Variants in NRG3 observed in about 807,000 individuals in gnomAD.
The protein encoded by NRG3 is neuregulin 3.
NRG3 carries 31 observed loss-of-function variants against 66.9 expected under a neutral mutation model. That is an observed-to-expected ratio of 0.46 (90% CI 0.35 to 0.63). NRG3 has a LOEUF of 0.63. NRG3 is among the 20% of genes least tolerant of loss of function. The pLI is 0.00. For missense variants in NRG3, 910 were observed against 878.9 expected, an observed-to-expected ratio of 1.04 and a Z score of -0.45; for synonymous variants, 393 against 359.4, an observed-to-expected ratio of 1.09 and a Z score of -1.06.
intron 1 of NRG3, among the ~76,000 whole-genome samples, chr10:82,141,228 C>T (rs991393037): frequency 6.6e-5 from 10 of 152,212 alleles, no homozygotes; most frequent in African/African-American, 2.4e-4. Context: ...AATTCACATA[C>T]CTACTCTCCA....
intron 1 of NRG3, among the ~76,000 whole-genome samples, chr10:81,933,177 A>C (rs1194583589): frequency 6.6e-6 from 1 of 152,086 alleles, no homozygotes; most frequent in Non-Finnish European, 1.5e-5. Context: ...CTCAGGATAT[A>C]ATGAAAGAGG....
At chr10:82,010,593 A>G (rs2132630709) in intron 1 of NRG3, among the ~76,000 whole-genome samples, 1 of 152,274 alleles carries the variant, frequency 6.6e-6, no homozygotes, top group African/African-American at 2.4e-5. Context: ...ACTGCCTAAA[A>G]AGTTTTCCCA....
intron 1 of NRG3, among the ~76,000 whole-genome samples, chr10:82,208,074 T>C (rs1048890716): frequency 3.3e-5 from 5 of 152,192 alleles, no homozygotes; most frequent in African/African-American, 4.8e-5. Flanking sequence ...GAAACAATTA[T>C]GATCACAATT....
chr10:82,367,279 C>T (rs1328618064), intron 2 of NRG3, among the ~76,000 whole-genome samples: 1 of 152,138 alleles, frequency 6.6e-6, no homozygotes, highest in Non-Finnish European at 1.5e-5. Flanking sequence ...TGTAAAATGC[C>T]ATATAAATGC....
intron 2 of NRG3, among the ~76,000 whole-genome samples, chr10:82,415,802 A>G (rs905919454): frequency 1.3e-5 from 2 of 152,156 alleles, no homozygotes; most frequent in Non-Finnish European, 2.9e-5. Context: ...TCCCCTAATC[A>G]TAAATAACAA....
At chr10:82,498,873 G>A (rs1206979946) in intron 2 of NRG3, among the ~76,000 whole-genome samples, 1 of 152,034 alleles carries the variant, frequency 6.6e-6, no homozygotes, top group Non-Finnish European at 1.5e-5. Context: ...AGCCATTAAG[G>A]TACACAGTGT....
At chr10:82,631,547 T>G (rs2049832998) in intron 2 of NRG3, among the ~76,000 whole-genome samples, 1 of 151,806 alleles carries the variant, frequency 6.6e-6, no homozygotes, top group East Asian at 1.9e-4. Flanking sequence ...CAGCTTTTGT[T>G]TCCATTTGAC....
At chr10:82,796,267 G>C (rs958555601) in intron 3 of NRG3, among the ~76,000 whole-genome samples, 2 of 152,058 alleles carry the variant, frequency 1.3e-5, no homozygotes, top group Non-Finnish European at 1.5e-5. Flanking sequence ...AGAGTATATT[G>C]CAAAATCTCC....
At chr10:82,037,508 T>C (rs1314384615) in intron 1 of NRG3, among the ~76,000 whole-genome samples, 1 of 152,164 alleles carries the variant, frequency 6.6e-6, no homozygotes, top group Non-Finnish European at 1.5e-5. Flanking sequence ...AAGAAAATTC[T>C]CTCCTTTTCC....
intron 2 of NRG3, among the ~76,000 whole-genome samples, chr10:82,580,862 A>G (rs1445958563): frequency 6.6e-6 from 1 of 151,514 alleles, no homozygotes; most frequent in African/African-American, 2.4e-5. Flanking sequence ...GCAGTTATGA[A>G]TAAAGCTGTT....
At chr10:82,528,698 C>A (rs1438230754) in intron 2 of NRG3, among the ~76,000 whole-genome samples, 2 of 152,134 alleles carry the variant, frequency 1.3e-5, no homozygotes, top group Non-Finnish European at 2.9e-5. Context: ...AATACATTTT[C>A]ATTTTTCCAG....
intron 1 of NRG3, among the ~76,000 whole-genome samples, chr10:82,051,041 A>G (rs1189047005): frequency 6.6e-6 from 1 of 152,242 alleles, no homozygotes; most frequent in East Asian, 1.9e-4. Flanking sequence ...ATTTAATGGC[A>G]GTAAAATGGG....
chr10:82,269,942 C>T (rs559692653), intron 1 of NRG3, among the ~76,000 whole-genome samples: 3 of 152,258 alleles, frequency 2.0e-5, no homozygotes, highest in Non-Finnish European at 4.4e-5. Flanking sequence ...ATGTATGAAT[C>T]TTGGCAAACT....
chr10:82,562,640 T>C (rs1325274521), intron 2 of NRG3, among the ~76,000 whole-genome samples: 8 of 152,166 alleles, frequency 5.3e-5, no homozygotes, highest in Admixed American at 6.6e-5. Context: ...CTATGAGAAA[T>C]AACCAACTCA....
At chr10:82,820,464 A>G (rs530943031) in intron 3 of NRG3, among the ~76,000 whole-genome samples, 6 of 152,130 alleles carry the variant, frequency 3.9e-5, no homozygotes, top group Admixed American at 2.0e-4. Context: ...TATGACTTAG[A>G]TATCTCTTAT....
intron 2 of NRG3, among the ~76,000 whole-genome samples, chr10:82,567,431 G>C (rs2045478215): frequency 6.6e-6 from 1 of 151,892 alleles, no homozygotes; most frequent in African/African-American, 2.4e-5. Context: ...ACTACCCACA[G>C]TTAAAATTTA....
intron 3 of NRG3, 84 bp downstream of exon 3, chr10:82,738,734 TA>T: frequency 8.4e-7 from 1 of 1,186,038 alleles, no homozygotes; most frequent in Non-Finnish European, 1.3e-6. Flanking sequence ...AGCTGAAAGC[TA>T]TATTTCAGTC....
At chr10:82,381,326 C>G (rs2085605075) in intron 2 of NRG3, among the ~76,000 whole-genome samples, 1 of 152,132 alleles carries the variant, frequency 6.6e-6, no homozygotes, top group Admixed American at 6.5e-5. Context: ...GACAACATTA[C>G]AGAGATAACA....
intron 4 of NRG3, among the ~76,000 whole-genome samples, chr10:82,873,111 T>G (rs1841493294): frequency 6.6e-6 from 1 of 152,118 alleles, no homozygotes; most frequent in Admixed American, 6.5e-5. Context: ...TCATTTATAT[T>G]CCCGAATTTT....
Sources: allele counts gnomAD v4.1 joint callset (sites outside exome capture counted in the v4.1 genomes callset), GRCh38; gene constraint gnomAD v4.1.1; transcripts MANE v1.5; gene names NCBI Gene and HGNC (gene_info 2026-07-23, HGNC 2026-07-21).